UBA52: variants seen among roughly 807,000 people sequenced by gnomAD.
The protein encoded by UBA52 is ubiquitin-ribosomal protein eL40 fusion protein.
In UBA52, 1 loss-of-function variant was observed where a neutral mutation model predicts 15.3. The observed-to-expected ratio is 0.07, with a 90% CI of 0.02 to 0.31. The LOEUF (loss-of-function observed/expected upper bound fraction) is 0.31, where lower values mean the gene tolerates loss of function less well. Among genes scored for constraint, UBA52 ranks in the 10% least tolerant of loss-of-function variants. The pLI, the probability that UBA52 is intolerant of heterozygous loss-of-function variation, is 1.00. For synonymous variants in UBA52, 50 were observed against 58.3 expected (o/e 0.86, Z 0.65); for missense variants, 87 against 168.0 (o/e 0.52, Z 2.66).
At chr19:18,572,967 A>G in intron 1 of UBA52, 1 of 1,164,932 alleles carries the variant, frequency 8.6e-7, no homozygotes, top group South Asian at 1.9e-5. Flanking sequence ...AAGGGTACTT[A>G]TTCCATCAGG....
intron 1 of UBA52, 106 bp from the exon 2 acceptor site, chr19:18,573,187 G>A (rs568888261): frequency 8.3e-7 from 1 of 1,203,316 alleles, no homozygotes; most frequent in South Asian, 1.4e-5. Flanking sequence ...GGACCAGTTG[G>A]ACTTGGTGCA....
At chr19:18,566,183 G>T in the UBA52 span, among the ~76,000 whole-genome samples, 1 of 151,952 alleles carries the variant, frequency 6.6e-6, no homozygotes, top group East Asian at 2.0e-4. Flanking sequence ...GGGCGAGGTG[G>T]CCCATGCCTG....
At chr19:18,563,973 G>A in the UBA52 span, among the ~76,000 whole-genome samples, 15 of 151,816 alleles carry the variant, frequency 9.9e-5, no homozygotes, top group African/African-American at 3.1e-4. Flanking sequence ...TGCTATGTCC[G>A]CCTCCCGGGT....
chr19:18,568,589 C>T (rs144609970), upstream of UBA52: 1,923 of 1,612,988 alleles, frequency 1.2e-3, 24 homozygotes, highest in African/African-American at 0.022. Flanking sequence ...CAGCCATCAA[C>T]GGCCGCAGCC....
chr19:18,576,682 A>T lies in UBA52; in HGVS notation c.*1532A>T, dbSNP rs1200348644. 3 of 137,690 alleles carry T rather than the reference A, an allele frequency of 2.2e-5. No individual in the cohort carries two copies. Among genetic ancestry groups the T allele is most frequent in the African/African-American group, 8.6e-5 (3 of 34,920 alleles). 8.5% of individuals were successfully genotyped at this position (137,690 alleles called of 1,614,324 possible). A position where few individuals can be genotyped will look rare whatever the true frequency, so the allele number is the denominator to read the frequency against. On this transcript the variant is annotated 3_prime_UTR_variant, in exon 5 of 5. Coordinates refer to ENST00000442744, the MANE Select transcript of UBA52 (RefSeq NM_001033930.3). The stretch of plus-strand genomic sequence containing the variant: ...ATCACTTTTTTTTTTTTTTTTTGAG[A>T]TGGAGCCTTGCTCCCATCGTGCAGG...
upstream of UBA52, among the ~76,000 whole-genome samples, chr19:18,567,571 A>G (rs1351120789): frequency 1.3e-5 from 2 of 152,148 alleles, no homozygotes; most frequent in Admixed American, 6.5e-5. Context: ...ACAGTCACCC[A>G]TGGGGTGGGG....
At chr19:18,568,739 G>C, upstream of UBA52, 1 of 797,280 alleles carries the variant, frequency 1.3e-6, no homozygotes, top group Non-Finnish European at 2.0e-6. Context: ...GCCCCGTTCT[G>C]TCACCCAGGG....
chr19:18,573,002 C>T, intron 1 of UBA52: 1 of 1,239,112 alleles, frequency 8.1e-7, no homozygotes, highest in East Asian at 4.3e-5. Flanking sequence ...CCTTCCGCCG[C>T]TAAACCTAAG....
At chr19:18,565,143 C>A in the UBA52 span, 46 of 1,495,440 alleles carry the variant, frequency 3.1e-5, no homozygotes, top group Non-Finnish European at 3.8e-5. Context: ...GGCTTCACTG[C>A]GCACTTAAGT....
chr19:18,567,312 T>G, upstream of UBA52: 1 of 902,192 alleles, frequency 1.1e-6, no homozygotes, highest in Admixed American at 2.1e-5. Context: ...AAACCTGGGG[T>G]GGGGGCAGGG....
chr19:18,568,442 C>T (rs1418469714), upstream of UBA52: 1 of 1,614,088 alleles, frequency 6.2e-7, no homozygotes, highest in Non-Finnish European at 8.5e-7. Flanking sequence ...AGGATGAAGA[C>T]CCCATCCCAC....
chr19:18,565,876 C>T, the UBA52 span, among the ~76,000 whole-genome samples: 2 of 152,064 alleles, frequency 1.3e-5, no homozygotes, highest in Non-Finnish European at 2.9e-5. Flanking sequence ...TTAGTAGAGA[C>T]GAGATTTCAC....
In UBA52 at chr19:18,575,018, C is replaced by T. The variant is rs41293577; in HGVS notation, c.294-39C>T. On this transcript the variant is annotated intron_variant, in intron 4 of 4. Coordinates refer to ENST00000442744, the MANE Select transcript of UBA52 (RefSeq NM_001033930.3). ...GGGGGGCTGTGGGGGCTGCCGGAGT[C>T]GGGGTATGCCCTCACCCACCCCTCC... is the stretch of plus-strand genomic sequence containing the variant. 5.0e-5 allele frequency: 81 copies of T among 1,614,172 alleles called. No individual in the cohort carries two copies. In the African/African-American group the frequency reaches 9.2e-4, roughly 18 times the overall value.
upstream of UBA52, chr19:18,567,124 C>T (rs1975282633): frequency 6.2e-7 from 1 of 1,614,012 alleles, no homozygotes; most frequent in East Asian, 2.2e-5. Context: ...GCCTTCTCTC[C>T]CCTGCAGGAC....
At chr19:18,573,783 G>T (rs1314775319) in intron 3 of UBA52, 35 bp downstream of exon 3, 1 of 1,598,236 alleles carries the variant, frequency 6.3e-7, no homozygotes, top group Non-Finnish European at 8.6e-7. Context: ...AGGGACCCAA[G>T]ATCCCCAGGT....
At chr19:18,569,668 G>C (rs3761034), upstream of UBA52, among the ~76,000 whole-genome samples, 1 of 150,220 alleles carries the variant, frequency 6.7e-6, no homozygotes, top group African/African-American at 2.5e-5. Flanking sequence ...CCTCCAGATA[G>C]GGGAGCCACA....
intron 2 of UBA52, 34 bp downstream of exon 2, chr19:18,573,437 G>GT (rs774005853): frequency 4.5e-6 from 7 of 1,566,470 alleles, no homozygotes; most frequent in Non-Finnish European, 6.1e-6. Flanking sequence ...CTCTGGCTGT[G>GT]AACTGGGAGT....
At chr19:18,568,556 G>C (rs756772452), upstream of UBA52, 2 of 1,613,774 alleles carry the variant, frequency 1.2e-6, no homozygotes, top group African/African-American at 1.3e-5. Flanking sequence ...TCGAGGACCT[G>C]TCCCATGTCC....
chr19:18,564,063 T>C, the UBA52 span, among the ~76,000 whole-genome samples: 1 of 152,052 alleles, frequency 6.6e-6, no homozygotes, highest in Non-Finnish European at 1.5e-5. Context: ...ATTTTTGTAT[T>C]TTTGGTAGAG....
Sources: allele counts gnomAD v4.1 joint callset (sites outside exome capture counted in the v4.1 genomes callset), GRCh38; gene constraint gnomAD v4.1.1; transcripts MANE v1.5; gene names NCBI Gene and HGNC (gene_info 2026-07-23, HGNC 2026-07-21).